SCOC: variants seen among roughly 807,000 people sequenced by gnomAD.
SCOC encodes short coiled-coil protein.
SCOC carries 7 observed loss-of-function variants against 9.9 expected under a neutral mutation model. The ratio of observed to expected loss-of-function variants is 0.71; its 90% CI spans 0.40 to 1.33. The LOEUF (loss-of-function observed/expected upper bound fraction) is 1.33, where lower values mean the gene tolerates loss of function less well. SCOC is among the 40% of genes most tolerant of loss of function. The probability of loss-of-function intolerance (pLI) is 0.01; values close to 1 mark genes in which losing one functional copy is unlikely to be tolerated. For missense variants in SCOC, 66 were observed against 89.7 expected, an observed-to-expected ratio of 0.74 and a Z score of 1.07; for synonymous variants, 19 against 28.2, an observed-to-expected ratio of 0.67 and a Z score of 1.03.
intron 1 of SCOC, among the ~76,000 whole-genome samples, chr4:140,296,095 A>G (rs1285538832): frequency 6.6e-6 from 1 of 152,074 alleles, no homozygotes; most frequent in Non-Finnish European, 1.5e-5. Context: ...GATTGTTATG[A>G]GAATGAAGAT....
intron 1 of SCOC, 28 bp downstream of exon 1, chr4:140,373,745 C>G (rs572820964): frequency 6.5e-7 from 1 of 1,538,234 alleles, no homozygotes; most frequent in East Asian, 2.4e-5. Flanking sequence ...CAGCGGAGGG[C>G]CTGGCCCCAG....
At chr4:140,318,901 A>G (rs1198350947) in intron 1 of SCOC, among the ~76,000 whole-genome samples, 1 of 152,126 alleles carries the variant, frequency 6.6e-6, no homozygotes, top group Non-Finnish European at 1.5e-5. Context: ...CACTTGCAGC[A>G]TCTTTTCTTG....
At chr4:140,351,662 C>A (rs1157100375) in intron 2 of SCOC, among the ~76,000 whole-genome samples, 6 of 151,946 alleles carry the variant, frequency 3.9e-5, no homozygotes, top group Non-Finnish European at 7.4e-5. Flanking sequence ...CCCCCTCACG[C>A]CCTGCTGAAA....
intron 1 of SCOC, among the ~76,000 whole-genome samples, chr4:140,317,969 A>G (rs1163087201): frequency 6.7e-6 from 1 of 148,898 alleles, no homozygotes; most frequent in East Asian, 2.0e-4. Flanking sequence ...TGTTCTTGCG[A>G]TAGTTTACTG....
chr4:140,264,291 C>T (rs1003426584), intron 1 of SCOC, among the ~76,000 whole-genome samples: 2 of 152,184 alleles, frequency 1.3e-5, no homozygotes, highest in Non-Finnish European at 1.5e-5. Flanking sequence ...GTGCCTGCCA[C>T]CATGACTGGA....
At chr4:140,357,726 T>C (rs1727288526) in intron 2 of SCOC, among the ~76,000 whole-genome samples, 1 of 152,234 alleles carries the variant, frequency 6.6e-6, no homozygotes, top group South Asian at 2.1e-4. Flanking sequence ...TGCCACTTTG[T>C]CAAAATGGTG....
chr4:140,291,925 G>A (rs1731484706), intron 1 of SCOC, among the ~76,000 whole-genome samples: 1 of 152,158 alleles, frequency 6.6e-6, no homozygotes, highest in Non-Finnish European at 1.5e-5. Context: ...TGCTTGCCAT[G>A]GTTTTATAGT....
chr4:140,305,268 C>T (rs1731933657), intron 1 of SCOC, among the ~76,000 whole-genome samples: 1 of 152,136 alleles, frequency 6.6e-6, no homozygotes, highest in African/African-American at 2.4e-5. Context: ...GAAGGCATGC[C>T]GTCTTGACAA....
chr4:140,297,828 C>T (rs1393844252), intron 1 of SCOC, among the ~76,000 whole-genome samples: 1 of 152,148 alleles, frequency 6.6e-6, no homozygotes, highest in Non-Finnish European at 1.5e-5. Context: ...TTACAAGACT[C>T]GTTAACTTCC....
upstream of SCOC, among the ~76,000 whole-genome samples, chr4:140,339,200 A>G (rs1338681077): frequency 6.6e-6 from 1 of 152,206 alleles, no homozygotes; most frequent in Non-Finnish European, 1.5e-5. Context: ...GCAATGGGGA[A>G]AGGATTCCCT....
intron 1 of SCOC, among the ~76,000 whole-genome samples, chr4:140,326,652 C>T (rs557492552): frequency 7.0e-6 from 1 of 143,648 alleles, no homozygotes; most frequent in East Asian, 2.1e-4. Flanking sequence ...GACCCCCCCC[C>T]CTACACTGTT....
chr4:140,271,356 C>A (rs1024541466), intron 1 of SCOC, among the ~76,000 whole-genome samples: 4 of 152,164 alleles, frequency 2.6e-5, no homozygotes, highest in African/African-American at 9.7e-5. Context: ...ATGAAAACAC[C>A]AAGTGTTAAT....
At chr4:140,282,651 C>G (rs1446592853) in intron 1 of SCOC, among the ~76,000 whole-genome samples, 1 of 152,212 alleles carries the variant, frequency 6.6e-6, no homozygotes, top group Non-Finnish European at 1.5e-5. Flanking sequence ...GGCGATGCTC[C>G]TTAGAGGATG....
chr4:140,348,272 A>G (rs1266926668), intron 2 of SCOC, among the ~76,000 whole-genome samples: 1 of 152,154 alleles, frequency 6.6e-6, no homozygotes. Flanking sequence ...ATCTTGTCGA[A>G]TTGAAATTTT....
intron 1 of SCOC, among the ~76,000 whole-genome samples, chr4:140,278,670 A>G (rs1731037142): frequency 6.6e-6 from 1 of 151,976 alleles, no homozygotes; most frequent in Non-Finnish European, 1.5e-5. Context: ...TAATACTATC[A>G]CTGTGTTGAT....
chr4:140,280,659 T>G (rs1731077502), intron 1 of SCOC, among the ~76,000 whole-genome samples: 1 of 152,218 alleles, frequency 6.6e-6, no homozygotes, highest in South Asian at 2.1e-4. Flanking sequence ...TGCCTGTGTT[T>G]TCATGGACTC....
intron 2 of SCOC, among the ~76,000 whole-genome samples, chr4:140,360,216 TAAAG>T (rs1368292975): frequency 1.3e-5 from 2 of 152,140 alleles, no homozygotes; most frequent in Non-Finnish European, 2.9e-5. Flanking sequence ...TATGAATTAA[TAAAG>T]AAGTAAATTT....
chr4:140,319,101 C>CT (rs1444071589), intron 1 of SCOC, among the ~76,000 whole-genome samples: 2 of 151,998 alleles, frequency 1.3e-5, no homozygotes, highest in Non-Finnish European at 1.5e-5. Flanking sequence ...CAGAACTTCT[C>CT]TTTTTTTGAG....
chr4:140,362,304 T>TCCTCTTCC (rs1415210513), intron 2 of SCOC, among the ~76,000 whole-genome samples: 1 of 55,142 alleles, frequency 1.8e-5, no homozygotes. Context: ...TTCTTCTTTT[T>TCCTCTTCC]TTTTTTTTTT....
Sources: gnomAD v4.1 joint callset for allele counts (sites outside exome capture counted in the v4.1 genomes callset) on GRCh38, gnomAD v4.1.1 for gene constraint, MANE v1.5 for transcripts, NCBI Gene and HGNC (gene_info 2026-07-23, HGNC 2026-07-21) for gene names.